PHLPP1: variants seen among roughly 807,000 people sequenced by gnomAD.
PHLPP1 encodes the protein PH domain leucine-rich repeat-containing protein phosphatase 1.
In PHLPP1, 42 loss-of-function variants were observed where a neutral mutation model predicts 117.2. That is an observed-to-expected ratio of 0.36 (90% CI 0.28 to 0.46). The LOEUF (loss-of-function observed/expected upper bound fraction) is 0.46. Ranked by LOEUF, PHLPP1 falls within the 20% of genes least tolerant of loss-of-function variation. The pLI, the probability that PHLPP1 is intolerant of heterozygous loss-of-function variation, is 1.00. For synonymous variants in PHLPP1, 1,042 were observed against 970.7 expected (o/e 1.07, Z -1.37); for missense variants, 2,084 against 2,241.9 (o/e 0.93, Z 1.42).
intron 1 of PHLPP1, among the ~76,000 whole-genome samples, chr18:62,737,352 A>T (rs1911399113): frequency 6.6e-6 from 1 of 152,194 alleles, no homozygotes. Flanking sequence ...ATGTGGTGAA[A>T]GGCCTCACAT....
chr18:62,916,345 C>G (rs1909275928), intron 9 of PHLPP1, among the ~76,000 whole-genome samples: 1 of 150,408 alleles, frequency 6.6e-6, no homozygotes, highest in South Asian at 2.1e-4. Flanking sequence ...TTCTTTTATT[C>G]TTTCTTTTAA....
At chr18:62,830,903 C>A (rs956392285) in intron 2 of PHLPP1, among the ~76,000 whole-genome samples, 4 of 152,138 alleles carry the variant, frequency 2.6e-5, no homozygotes, top group African/African-American at 9.7e-5. Flanking sequence ...AACATTGACA[C>A]ATGCGGAGGG....
intron 2 of PHLPP1, among the ~76,000 whole-genome samples, chr18:62,837,263 A>G (rs1317107125): frequency 2.6e-5 from 4 of 152,180 alleles, no homozygotes. Flanking sequence ...AAGTGCTGGG[A>G]TTACAAGTGT....
intron 1 of PHLPP1, among the ~76,000 whole-genome samples, chr18:62,754,495 A>G (rs1027685591): frequency 6.6e-6 from 1 of 152,248 alleles, no homozygotes; most frequent in Non-Finnish European, 1.5e-5. Context: ...AAGAGGAACA[A>G]GAAGATTGCA....
chr18:62,957,790 A>G (rs1910660440), intron 12 of PHLPP1, among the ~76,000 whole-genome samples: 1 of 150,706 alleles, frequency 6.6e-6, no homozygotes, highest in Middle Eastern at 3.5e-3. Context: ...ATCTCGGCTC[A>G]CTGCATCCTC....
At chr18:62,735,187 G>A (rs530537085) in intron 1 of PHLPP1, among the ~76,000 whole-genome samples, 2 of 151,968 alleles carry the variant, frequency 1.3e-5, no homozygotes, top group South Asian at 4.2e-4. Context: ...TGGGACTACA[G>A]GTGCATGCCA....
chr18:62,748,159 T>G (rs1450120264), intron 1 of PHLPP1, among the ~76,000 whole-genome samples: 1 of 152,220 alleles, frequency 6.6e-6, no homozygotes, highest in Non-Finnish European at 1.5e-5. Flanking sequence ...CTTCCATAAT[T>G]GTGAATTCAT....
At position 62,920,043 on chromosome 18, in the gene PHLPP1, G is replaced by T; in HGVS notation, c.2889G>T (p.Ser963=). The T allele has an allele frequency of 6.2e-7, 1 of 1,613,140 alleles. No homozygotes were observed. The highest frequency in any genetic ancestry group is 1.1e-5 in the South Asian group (1 of 90,836). Reference sequence around the variant, plus strand: ...TGCCTGAAAGGCTAGAAAGAACCTCGGTGGAGGTCTTGGATGTGCAACACA... The same window carrying T: ...TGCCTGAAAGGCTAGAAAGAACCTCTGTGGAGGTCTTGGATGTGCAACACA... The part of the protein sequence containing the change: ...ARLPERLERT[S]VEVLDVQHNQ... Residue 963 remains serine (S), a synonymous_variant, in exon 10 of 17, where the codon TCG becomes TCT. Coordinates refer to ENST00000262719, the MANE Select transcript of PHLPP1 (RefSeq NM_194449.4).
intron 12 of PHLPP1, 82 bp downstream of exon 12, chr18:62,945,353 G>T: frequency 8.5e-7 from 1 of 1,176,092 alleles, no homozygotes; most frequent in East Asian, 2.7e-5. Context: ...CAGGACGTTT[G>T]CATCTTTGTT....
intron 4 of PHLPP1, among the ~76,000 whole-genome samples, chr18:62,886,626 G>T (rs968312846): frequency 6.6e-6 from 1 of 152,168 alleles, no homozygotes; most frequent in Middle Eastern, 3.4e-3. Flanking sequence ...GAGACTTCAG[G>T]TTTGTTTGCA....
chr18:62,866,998 G>C (rs1281932083), intron 4 of PHLPP1, among the ~76,000 whole-genome samples: 1 of 152,074 alleles, frequency 6.6e-6, no homozygotes, highest in Non-Finnish European at 1.5e-5. Flanking sequence ...CCCTATTTTT[G>C]TTGCCCACTG....
chr18:62,776,475 G>GT, intron 1 of PHLPP1, among the ~76,000 whole-genome samples: 1 of 152,080 alleles, frequency 6.6e-6, no homozygotes, highest in Non-Finnish European at 1.5e-5. Flanking sequence ...AACACCTACT[G>GT]TATCTTAGCC....
chr18:62,904,722 C>T (rs182231279), intron 7 of PHLPP1, among the ~76,000 whole-genome samples: 1 of 152,324 alleles, frequency 6.6e-6, no homozygotes, highest in East Asian at 1.9e-4. Flanking sequence ...AGGACATTTA[C>T]AAACTACTCT....
intron 10 of PHLPP1, among the ~76,000 whole-genome samples, chr18:62,927,056 A>G (rs528491260): frequency 6.6e-6 from 1 of 152,294 alleles, no homozygotes; most frequent in East Asian, 1.9e-4. Context: ...AGGGATAGCA[A>G]GCCAGAAATA....
Position 62,771,987 on chromosome 18 carries a change from T to TTTC in PHLPP1, c.1576+54740_1576+54742dup, listed in dbSNP as rs758195002. On this transcript the variant is annotated intron_variant, in intron 1 of 16. Coordinates refer to ENST00000262719, the MANE Select transcript of PHLPP1 (RefSeq NM_194449.4). ...AGGGACATTCAGCCTGTATGATCAG[T>TTTC]TTCTTCTTCTTCTTTCTTCTGTCTT... 6.6e-5 allele frequency among the ~76,000 whole-genome samples: 10 copies of TTTC among 152,330 alleles called. No individual in the cohort carries two copies. In the East Asian group the frequency reaches 1.9e-3, roughly 29 times the overall value.
intron 1 of PHLPP1, among the ~76,000 whole-genome samples, chr18:62,780,712 G>C (rs1327311140): frequency 2.0e-5 from 3 of 152,216 alleles, no homozygotes; most frequent in African/African-American, 7.2e-5. Context: ...TTATATCACT[G>C]CTGATCCAAG....
chr18:62,751,151 G>A (rs755156072), intron 1 of PHLPP1, among the ~76,000 whole-genome samples: 1 of 152,208 alleles, frequency 6.6e-6, no homozygotes, highest in Non-Finnish European at 1.5e-5. Context: ...TCTGAGATGT[G>A]TAAGAGGTTT....
intron 10 of PHLPP1, among the ~76,000 whole-genome samples, chr18:62,923,707 T>TA (rs1222202357): frequency 2.0e-4 from 31 of 152,216 alleles, no homozygotes; most frequent in Admixed American, 1.3e-4. Flanking sequence ...TACTTTTTTT[T>TA]ATTGAGGCAT....
intron 10 of PHLPP1, among the ~76,000 whole-genome samples, chr18:62,927,607 AG>A (rs1909674703): frequency 6.6e-6 from 1 of 152,168 alleles, no homozygotes; most frequent in African/African-American, 2.4e-5. Context: ...AGGGTGCCCA[AG>A]GGAGAATACA....
Sources: gnomAD v4.1 joint callset for allele counts (sites outside exome capture counted in the v4.1 genomes callset) on GRCh38, gnomAD v4.1.1 for gene constraint, MANE v1.5 for transcripts, NCBI Gene and HGNC (gene_info 2026-07-23, HGNC 2026-07-21) for gene names.